Variants in GPR39 observed in about 807,000 individuals in gnomAD.
The protein encoded by GPR39 is zinc sensing receptor.
In GPR39, 23 loss-of-function variants were observed where a neutral mutation model predicts 18.4. That is an observed-to-expected ratio of 1.25 (90% confidence interval 0.90 to 1.77). The LOEUF (loss-of-function observed/expected upper bound fraction) is 1.77. Ranked by LOEUF, GPR39 falls within the 40% of genes most tolerant of loss-of-function variation. The probability of loss-of-function intolerance (pLI) is 0.00; values close to 1 mark genes in which losing one functional copy is unlikely to be tolerated. For synonymous variants in GPR39, 280 were observed against 257.9 expected (o/e 1.09, Z -0.82); for missense variants, 647 against 602.4 (o/e 1.07, Z -0.78).
intron 1 of GPR39, among the ~76,000 whole-genome samples, chr2:132,603,558 A>C (rs1681082891): frequency 6.6e-6 from 1 of 152,184 alleles, no homozygotes; most frequent in South Asian, 2.1e-4. Flanking sequence ...GAAATGTTTG[A>C]GGTGATAAGC....
chr2:132,618,543 G>A (rs1463340849), intron 1 of GPR39, among the ~76,000 whole-genome samples: 3 of 152,142 alleles, frequency 2.0e-5, no homozygotes, highest in East Asian at 3.9e-4. Context: ...GAGTGAAGAA[G>A]AGTTAAGTAC....
At chr2:132,454,858 T>C (rs974522827) in intron 1 of GPR39, among the ~76,000 whole-genome samples, 2 of 152,216 alleles carry the variant, frequency 1.3e-5, no homozygotes, top group African/African-American at 4.8e-5. Context: ...ATAAGATTTT[T>C]GATGTGCTGC....
intron 1 of GPR39, among the ~76,000 whole-genome samples, chr2:132,526,635 C>T (rs1177000238): frequency 8.5e-5 from 13 of 152,174 alleles, no homozygotes; most frequent in Admixed American, 8.5e-4. Context: ...GGCTTAATAC[C>T]CCACACTGCC....
At chr2:132,443,853 T>A (rs539545060) in intron 1 of GPR39, among the ~76,000 whole-genome samples, 42 of 152,326 alleles carry the variant, frequency 2.8e-4, no homozygotes, top group African/African-American at 9.4e-4. Context: ...GTGAATCTCT[T>A]GAGCCCAGGT....
intron 1 of GPR39, among the ~76,000 whole-genome samples, chr2:132,530,725 A>G (rs1679603111): frequency 6.6e-6 from 1 of 152,268 alleles, no homozygotes. Context: ...AAGAATTTCC[A>G]ACCCAGAATT....
chr2:132,495,020 C>T (rs1681613030), intron 1 of GPR39, among the ~76,000 whole-genome samples: 1 of 152,084 alleles, frequency 6.6e-6, no homozygotes, highest in South Asian at 2.1e-4. Context: ...GATCCCCAGC[C>T]CTAGCGGGTT....
chr2:132,483,131 A>G (rs1681265497), intron 1 of GPR39, among the ~76,000 whole-genome samples: 1 of 152,216 alleles, frequency 6.6e-6, no homozygotes, highest in African/African-American at 2.4e-5. Context: ...GAGACCTAAT[A>G]ATACCACCAT....
intron 1 of GPR39, among the ~76,000 whole-genome samples, chr2:132,589,798 ATGTC>A (rs1489243288): frequency 2.0e-5 from 3 of 152,216 alleles, no homozygotes; most frequent in African/African-American, 7.2e-5. Context: ...ACTTGAAGGA[ATGTC>A]TGTATTTCTC....
chr2:132,489,897 A>T (rs1042130344), intron 1 of GPR39, among the ~76,000 whole-genome samples: 3 of 151,954 alleles, frequency 2.0e-5, no homozygotes, highest in African/African-American at 7.3e-5. Flanking sequence ...GAGGAGGCTC[A>T]GCCTAGATTC....
At chr2:132,587,387 A>G (rs1680747546) in intron 1 of GPR39, among the ~76,000 whole-genome samples, 2 of 152,254 alleles carry the variant, frequency 1.3e-5, no homozygotes, top group South Asian at 4.1e-4. Flanking sequence ...CTGTTAAAGA[A>G]CAACTGCCTC....
At chr2:132,447,356 G>A (rs1409106081) in intron 1 of GPR39, among the ~76,000 whole-genome samples, 1 of 152,222 alleles carries the variant, frequency 6.6e-6, no homozygotes, top group East Asian at 1.9e-4. Context: ...GGAATGTAAA[G>A]AGGAGCTGGC....
chr2:132,542,919 A>T (rs1199642246), intron 1 of GPR39, among the ~76,000 whole-genome samples: 4 of 152,124 alleles, frequency 2.6e-5, no homozygotes, highest in Non-Finnish European at 5.9e-5. Context: ...AGTTCCAGCC[A>T]GTTGTGTGCA....
At chr2:132,425,667 G>A (rs771735777) in intron 1 of GPR39, among the ~76,000 whole-genome samples, 2 of 152,178 alleles carry the variant, frequency 1.3e-5, no homozygotes, top group Non-Finnish European at 2.9e-5. Context: ...GATTTTCTGT[G>A]TGGATTTAAC....
At chr2:132,492,230 T>TAC (rs1219311487) in intron 1 of GPR39, among the ~76,000 whole-genome samples, 27 of 140,866 alleles carry the variant, frequency 1.9e-4, no homozygotes, top group African/African-American at 6.8e-4. Flanking sequence ...ACCATATATA[T>TAC]ACCATATATA....
At chr2:132,616,237 A>T (rs1432287914) in intron 1 of GPR39, among the ~76,000 whole-genome samples, 1 of 152,124 alleles carries the variant, frequency 6.6e-6, no homozygotes, top group South Asian at 2.1e-4. Flanking sequence ...AGTTTTGCAG[A>T]TGAGCAAACC....
intron 1 of GPR39, among the ~76,000 whole-genome samples, chr2:132,625,109 C>T (rs1243685900): frequency 6.7e-6 from 1 of 148,456 alleles, no homozygotes; most frequent in African/African-American, 2.5e-5. Flanking sequence ...GGCTTTTTTA[C>T]TTCTACATGG....
chr2:132,619,840 C>G (rs1398841773), intron 1 of GPR39, among the ~76,000 whole-genome samples: 4 of 138,060 alleles, frequency 2.9e-5, no homozygotes, highest in Admixed American at 2.8e-4. Context: ...GACACACACA[C>G]ACACACACAC....
At chr2:132,465,931 T>C (rs1453254471) in intron 1 of GPR39, among the ~76,000 whole-genome samples, 2 of 152,340 alleles carry the variant, frequency 1.3e-5, no homozygotes, top group Middle Eastern at 3.4e-3. Flanking sequence ...ATATGATATA[T>C]TTTTATTTTT....
intron 1 of GPR39, among the ~76,000 whole-genome samples, chr2:132,427,891 T>A (rs1002127418): frequency 3.0e-5 from 4 of 133,102 alleles, no homozygotes; most frequent in Non-Finnish European, 4.8e-5. Context: ...ATATATATAA[T>A]ATATATATAA....
Sources: allele counts gnomAD v4.1 joint callset (sites outside exome capture counted in the v4.1 genomes callset), GRCh38; gene constraint gnomAD v4.1.1; transcripts MANE v1.5; gene names NCBI Gene and HGNC (gene_info 2026-07-23, HGNC 2026-07-21).